Variants in FANCD2 observed in about 807,000 individuals in gnomAD.
FANCD2 encodes Fanconi anemia group D2 protein.
A neutral mutation model predicts 192.3 loss-of-function variants in FANCD2; 131 were observed. That is an observed-to-expected ratio of 0.68 (90% CI 0.59 to 0.79). The LOEUF is 0.79. Among genes scored for constraint, FANCD2 ranks in the 30% least tolerant of loss-of-function variants. FANCD2 has a pLI of 0.00. For synonymous variants in FANCD2, 524 were observed against 612.5 expected (o/e 0.86, Z 2.13); for missense variants, 1,508 against 1,701.6 (o/e 0.89, Z 2.00).
At chr3:10,069,076 C>G (rs2087798554) in intron 26 of FANCD2, among the ~76,000 whole-genome samples, 1 of 152,138 alleles carries the variant, frequency 6.6e-6, no homozygotes, top group Non-Finnish European at 1.5e-5. Context: ...CTCTTCAGGA[C>G]ATTAGAGTGG....
intron 42 of FANCD2, among the ~76,000 whole-genome samples, chr3:10,097,950 G>A (rs561038450): frequency 5.9e-5 from 9 of 151,906 alleles, no homozygotes; most frequent in African/African-American, 1.2e-4. Flanking sequence ...CTGACTTCCC[G>A]CAACAATCTC....
At chr3:10,045,255 G>A (rs1192450794) in intron 14 of FANCD2, among the ~76,000 whole-genome samples, 7 of 151,872 alleles carry the variant, frequency 4.6e-5, no homozygotes, top group South Asian at 2.1e-4. Context: ...TGCAAGCTCC[G>A]CCTCCTGGGT....
At chr3:10,099,108 T>G (rs1477893244) in intron 43 of FANCD2, 3 of 1,511,876 alleles carry the variant, frequency 2.0e-6, no homozygotes, top group African/African-American at 2.8e-5. Context: ...TGAAACCATT[T>G]TAGAAGGGAG....
intron 37 of FANCD2, among the ~76,000 whole-genome samples, chr3:10,091,273 G>A (rs1272746399): frequency 6.6e-6 from 1 of 151,618 alleles, no homozygotes; most frequent in Non-Finnish European, 1.5e-5. Flanking sequence ...TAGAGGCGGG[G>A]TTTTGTCGTG....
Position 10,034,768 on chromosome 3 carries a change from C to G in FANCD2, c.347C>G (p.Ser116Cys). The change falls in exon 5 of 44, where the codon TCT (serine) becomes TGT (cysteine). Residue 116 changes from serine to cysteine, a missense_variant. Ser to Cys is a moderately radical substitution (Grantham distance 112). This residue lies in a region of FANCD2 where 435 missense variants were observed against 421.9 expected (regional missense o/e 1.03). Transcript: ENST00000675286. ...GACAGTTTCAGGAACTGCCTTTTGT[C>G]TTGTGAGCGTCTGCAGGATGAGGAA... ...DEDSFRNCLLSCERLQDEEAS... is the reference protein window; with the variant it reads ...DEDSFRNCLLCCERLQDEEAS... The G allele has an allele frequency of 6.4e-7, 1 of 1,563,336 alleles. No homozygotes were observed. Among genetic ancestry groups the G allele is most frequent in the Non-Finnish European group, 8.7e-7 (1 of 1,153,380 alleles).
chr3:10,060,913 C>G (rs1048111916), intron 19 of FANCD2, among the ~76,000 whole-genome samples: 2 of 152,166 alleles, frequency 1.3e-5, no homozygotes, highest in Admixed American at 6.5e-5. Flanking sequence ...GATTTCAGTT[C>G]ATGCTCCTTG....
chr3:10,098,996 A>T, intron 43 of FANCD2, 181 bp downstream of exon 43: 1 of 1,613,836 alleles, frequency 6.2e-7, no homozygotes, highest in Non-Finnish European at 8.5e-7. Flanking sequence ...AGAAACAACG[A>T]CACAATCTTA....
At chr3:10,061,308 C>T (rs998065678) in intron 19 of FANCD2, among the ~76,000 whole-genome samples, 1 of 152,198 alleles carries the variant, frequency 6.6e-6, no homozygotes, top group South Asian at 2.1e-4. Context: ...TTACCTACAA[C>T]TGTCTTAGTA....
At position 10,043,108 on chromosome 3, in the gene FANCD2, T is replaced by C; in HGVS notation, c.947T>C (p.Leu316Ser). 1 of 1,614,138 alleles carries C rather than the reference T, an allele frequency of 6.2e-7. No individual in the cohort carries two copies. The highest frequency in any genetic ancestry group is 8.5e-7 in the Non-Finnish European group (1 of 1,180,026). ...DLQHCVLPSR[L>S]QASQVKLKSK... ...CAGCATTGTGTTTTGCCATCACGGTTACAGGCTTCCCAAGTAAAGTTGAAA... is the reference window on the plus strand; with the variant it reads ...CAGCATTGTGTTTTGCCATCACGGTCACAGGCTTCCCAAGTAAAGTTGAAA... Residue 316 changes from leucine to serine, a missense_variant, in exon 12 of 44, where the codon TTA becomes TCA. Physicochemically the swap from Leu to Ser is moderately radical, Grantham distance 145. Coordinates refer to ENST00000675286, the MANE Select transcript of FANCD2 (RefSeq NM_001018115.3).
intron 38 of FANCD2, among the ~76,000 whole-genome samples, chr3:10,092,458 C>T (rs1244643732): frequency 6.6e-6 from 1 of 150,690 alleles, no homozygotes; most frequent in Non-Finnish European, 1.5e-5. Flanking sequence ...TTCCTTCCTT[C>T]CTCCTACTTA....
At chr3:10,065,636 C>T in intron 24 of FANCD2, 142 bp downstream of exon 24, 1 of 734,530 alleles carries the variant, frequency 1.4e-6, no homozygotes, top group Non-Finnish European at 2.5e-6. Flanking sequence ...ATTCCAAAGA[C>T]AAAATAGTAC....
At chr3:10,096,540 T>G (rs1694978435) in intron 42 of FANCD2, 68 bp downstream of exon 42, 2 of 1,482,854 alleles carry the variant, frequency 1.3e-6, no homozygotes, top group Non-Finnish European at 1.9e-6. Flanking sequence ...AGATGGCATG[T>G]AAGGAAGGTC....
At chr3:10,074,499 T>A in intron 28 of FANCD2, 31 bp from the exon 29 acceptor site, 2 of 1,596,622 alleles carry the variant, frequency 1.3e-6, no homozygotes, top group Non-Finnish European at 1.7e-6. Flanking sequence ...AAGATTTATA[T>A]ATTCTCTTTG....
chr3:10,036,461 G>C (rs1335919366), intron 7 of FANCD2, 122 bp downstream of exon 7: 1 of 742,900 alleles, frequency 1.3e-6, no homozygotes, highest in African/African-American at 1.8e-5. Context: ...TTTCTTAAGT[G>C]ACTACTAAAA....
chr3:10,047,869 AACTG>A (rs2087069908), intron 15 of FANCD2, 44 bp from the exon 16 acceptor site: 3 of 170,046 alleles, frequency 1.8e-5, no homozygotes. Flanking sequence ...GTTGTGTACT[AACTG>A]TTTCCTACAG....
rs1193327531 is a variant in FANCD2 at position 10,074,869 on chromosome 3, C to T, written c.2859+196C>T. On this transcript the variant is annotated intron_variant, in intron 29 of 43. Transcript: ENST00000675286. The stretch of plus-strand genomic sequence containing the variant: ...AGTCATAAGGTTTGTAATAATGTGT[C>T]AGACATTATAAAATATCATGCCAAT... Among the ~76,000 whole-genome samples, 6 of 152,150 alleles carry T rather than the reference C, an allele frequency of 3.9e-5. No homozygotes were observed. The South Asian group carries it at 1.2e-3, about 31-fold the overall frequency.
Position 10,081,153 on chromosome 3 carries a change from A to C in FANCD2, c.3030A>C (p.Gln1010His). 6.2e-7 allele frequency: 1 copy of C among 1,614,176 alleles called. No homozygotes were observed. The change falls in exon 31 of 44, where the codon CAA becomes CAC. Residue 1010 changes from glutamine to histidine, a missense_variant. By Grantham distance (24) the Gln-to-His change is conservative. This residue lies in a region of FANCD2 where 796 missense variants were observed against 879.4 expected (regional missense o/e 0.91). Transcript: ENST00000675286. ...CACATCTCCAACAGAGATCTGCCCAAGAAATTGTTCATTGTGTTTTTCAAC... is the reference window on the plus strand; with the variant it reads ...CACATCTCCAACAGAGATCTGCCCACGAAATTGTTCATTGTGTTTTTCAAC... ...GFSHLQQRSAQEIVHCVFQLL... is the reference protein window; with the variant it reads ...GFSHLQQRSAHEIVHCVFQLL...
intron 11 of FANCD2, 43 bp downstream of exon 11, chr3:10,042,706 G>A (rs566702868): frequency 6.8e-7 from 1 of 1,464,840 alleles, no homozygotes; most frequent in African/African-American, 1.4e-5. Context: ...AGCAACTTAA[G>A]TGCCAATTGC....
At chr3:10,046,160 T>C (rs932752958) in intron 14 of FANCD2, among the ~76,000 whole-genome samples, 1 of 151,038 alleles carries the variant, frequency 6.6e-6, no homozygotes, top group Non-Finnish European at 1.5e-5. Context: ...TTCACGCCAT[T>C]CTCCTGCCTC....
Sources: gnomAD v4.1 joint callset for allele counts (sites outside exome capture counted in the v4.1 genomes callset) on GRCh38, gnomAD v4.1.1 for gene constraint, gnomAD v4.1.1 regional missense constraint, MANE v1.5 for transcripts, NCBI Gene and HGNC (gene_info 2026-07-23, HGNC 2026-07-21) for gene names.